Variants in USH2A observed in about 807,000 individuals in gnomAD.
USH2A encodes the protein usherin.
In USH2A, 443 loss-of-function variants were observed where a neutral mutation model predicts 538.9. The ratio of observed to expected loss-of-function variants is 0.82; its 90% CI spans 0.76 to 0.89. USH2A has a LOEUF of 0.89. Among genes scored for constraint, USH2A ranks in the 40% least tolerant of loss-of-function variants. The probability of loss-of-function intolerance (pLI) is 0.00; values close to 1 mark genes in which losing one functional copy is unlikely to be tolerated. For missense variants in USH2A, 6,633 were observed against 6,324.8 expected (o/e 1.05, Z -1.65); for synonymous variants, 2,413 against 2,273.5 (o/e 1.06, Z -1.75).
chr1:216,065,702 G>A lies in USH2A; in HGVS notation c.6049+4399C>T, dbSNP rs193252908. On this transcript the variant is annotated intron_variant, in intron 30 of 71. Transcript: ENST00000307340. ...ACCTGAGGTCAGGAGTTCGAGACCA[G>A]CCTGGCCAACATGGTGAAACTCCAT... Among the ~76,000 whole-genome samples the A allele has an allele frequency of 3.6e-3, 542 of 151,992 alleles. 3 individuals are homozygous for A. Among genetic ancestry groups the A allele is most frequent in the African/African-American group, 0.013 (520 of 41,396 alleles).
intron 12 of USH2A, among the ~76,000 whole-genome samples, chr1:216,249,928 T>G (rs2102550201): frequency 6.6e-6 from 1 of 152,170 alleles, no homozygotes; most frequent in South Asian, 2.1e-4. Context: ...GGCATATTTT[T>G]ACTATTGTAA....
At chr1:216,281,391 CAA>C (rs1010444617) in intron 11 of USH2A, among the ~76,000 whole-genome samples, 1 of 151,820 alleles carries the variant, frequency 6.6e-6, no homozygotes, top group East Asian at 1.9e-4. Flanking sequence ...TTTTTAAAAC[CAA>C]AAAAGTTAAC....
intron 38 of USH2A, among the ~76,000 whole-genome samples, chr1:215,933,008 C>A (rs1666402596): frequency 6.6e-6 from 1 of 151,858 alleles, no homozygotes; most frequent in African/African-American, 2.4e-5. Context: ...TTCCTAAAAA[C>A]ATAAACAATG....
intron 49 of USH2A, among the ~76,000 whole-genome samples, chr1:215,804,748 T>C (rs1376901987): frequency 6.6e-6 from 1 of 152,120 alleles, no homozygotes; most frequent in African/African-American, 2.4e-5. Context: ...GATCTTGAAC[T>C]AGAAATACCA....
intron 3 of USH2A, among the ~76,000 whole-genome samples, chr1:216,399,075 T>C (rs768303392): frequency 2.3e-4 from 35 of 152,114 alleles, no homozygotes; most frequent in Non-Finnish European, 4.3e-4. Flanking sequence ...CCCTACCTGG[T>C]AGCAGCAAGA....
chr1:215,883,108 T>A (rs2102455472), intron 41 of USH2A, among the ~76,000 whole-genome samples: 1 of 152,288 alleles, frequency 6.6e-6, no homozygotes, highest in East Asian at 1.9e-4. Flanking sequence ...TTTCTTTAAT[T>A]AATTTTCACT....
At chr1:215,886,494 G>A (rs1665060840) in intron 41 of USH2A, 1 of 152,116 alleles carries the variant, frequency 6.6e-6, no homozygotes, top group Admixed American at 6.5e-5. Context: ...TGATTCTATT[G>A]ATAACTTTTT....
At chr1:215,889,484 C>T (rs1415113313) in intron 40 of USH2A, among the ~76,000 whole-genome samples, 2 of 152,100 alleles carry the variant, frequency 1.3e-5, no homozygotes, top group African/African-American at 4.8e-5. Context: ...TATTTTACAG[C>T]CCAGTAAAAT....
chr1:215,636,697 G>C (rs573342794), intron 69 of USH2A, among the ~76,000 whole-genome samples: 57 of 152,248 alleles, frequency 3.7e-4, no homozygotes, highest in African/African-American at 1.3e-3. Flanking sequence ...ATAGCCCTTA[G>C]AACAGTCAGA....
At chr1:216,383,788 T>C (rs1316737909) in intron 3 of USH2A, among the ~76,000 whole-genome samples, 1 of 151,988 alleles carries the variant, frequency 6.6e-6, no homozygotes, top group Non-Finnish European at 1.5e-5. Flanking sequence ...GATCTTCCCA[T>C]CTTAGCCTTC....
chr1:216,369,840 T>C (rs1244965454), intron 3 of USH2A, among the ~76,000 whole-genome samples: 1 of 150,824 alleles, frequency 6.6e-6, no homozygotes, highest in African/African-American at 2.5e-5. Flanking sequence ...GGAGAATCTT[T>C]TGAACCCGGG....
chr1:216,108,923 C>T (rs438528), intron 21 of USH2A, among the ~76,000 whole-genome samples: 4,114 of 151,904 alleles, frequency 0.027, 93 homozygotes, highest in Middle Eastern at 0.082. Context: ...TTTCTAATTA[C>T]AGTAATTTGG....
chr1:215,735,704 T>C (rs577286300), intron 60 of USH2A, among the ~76,000 whole-genome samples: 146 of 152,132 alleles, frequency 9.6e-4, no homozygotes, highest in Non-Finnish European at 1.8e-3. Context: ...TTTATATACA[T>C]ATATATGTAA....
At chr1:216,148,060 G>C (rs1235842329) in intron 21 of USH2A, among the ~76,000 whole-genome samples, 2 of 150,738 alleles carry the variant, frequency 1.3e-5, no homozygotes, top group African/African-American at 4.9e-5. Context: ...AGACCATCAC[G>C]GACGCCGAGC....
chr1:216,225,420 G>A (rs1572066909), intron 14 of USH2A, among the ~76,000 whole-genome samples: 1 of 152,264 alleles, frequency 6.6e-6, no homozygotes, highest in Non-Finnish European at 1.5e-5. Flanking sequence ...ATGTTGAAGT[G>A]AAAAGAGACA....
At chr1:215,636,372 G>A (rs986250785) in intron 69 of USH2A, among the ~76,000 whole-genome samples, 5 of 152,294 alleles carry the variant, frequency 3.3e-5, no homozygotes, top group East Asian at 3.9e-4. Flanking sequence ...CTCTGCTGCC[G>A]ATCAGCTCTG....
intron 7 of USH2A, 33 bp downstream of exon 7, chr1:216,324,135 T>C: frequency 6.3e-7 from 1 of 1,594,150 alleles, no homozygotes; most frequent in Non-Finnish European, 8.6e-7. Flanking sequence ...AACCAATCAG[T>C]CTATTAAATT....
At chr1:215,803,706 G>A (rs568764837) in intron 49 of USH2A, among the ~76,000 whole-genome samples, 5 of 152,162 alleles carry the variant, frequency 3.3e-5, no homozygotes, top group East Asian at 3.9e-4. Context: ...TGGCCATACC[G>A]CCCAAGGTAA....
intron 3 of USH2A, among the ~76,000 whole-genome samples, chr1:216,395,347 A>AT (rs1327373999): frequency 4.6e-5 from 7 of 152,306 alleles, no homozygotes; most frequent in African/African-American, 1.4e-4. Flanking sequence ...CACTCCAAAA[A>AT]ATATATTTTA....
Sources: gnomAD v4.1 joint callset for allele counts (sites outside exome capture counted in the v4.1 genomes callset) on GRCh38, gnomAD v4.1.1 for gene constraint, MANE v1.5 for transcripts, NCBI Gene and HGNC (gene_info 2026-07-23, HGNC 2026-07-21) for gene names.